DNAAF4: variants seen among roughly 807,000 people sequenced by gnomAD.
The protein encoded by DNAAF4 is dynein axonemal assembly factor 4, also known as dynein assembly factor 4, axonemal.
In DNAAF4, 43 loss-of-function variants were observed where a neutral mutation model predicts 51.8. The ratio of observed to expected loss-of-function variants is 0.83; its 90% CI spans 0.65 to 1.07. DNAAF4 has a LOEUF of 1.07. Among genes scored for constraint, DNAAF4 ranks in the 50% least tolerant of loss-of-function variants. The pLI is 0.00. For synonymous variants in DNAAF4, 194 were observed against 165.6 expected (o/e 1.17, Z -1.32); for missense variants, 581 against 493.0 (o/e 1.18, Z -1.69).
rs564401980 is a variant in DNAAF4, at chr15:55,493,064, G to C, written c.272-1808C>G. On this transcript the variant is annotated intron_variant, in intron 3 of 9. Coordinates refer to ENST00000321149, the MANE Select transcript of DNAAF4 (RefSeq NM_130810.4). ...TATTATTTGTAGGTGAGGCCTTTTG[G>C]GAGGTAGTGTCCTTATACAGAAGGC... 5.3e-5 allele frequency among the ~76,000 whole-genome samples: 8 copies of C among 152,184 alleles called. No homozygotes were observed. The South Asian group carries it at 1.7e-3, about 32-fold the overall frequency.
chr15:55,455,599 T>C (rs1025641960), intron 5 of DNAAF4, among the ~76,000 whole-genome samples: 9 of 151,814 alleles, frequency 5.9e-5, no homozygotes, highest in African/African-American at 2.2e-4. Context: ...ACCTGGCTAA[T>C]TTTTGCATTT....
chr15:55,477,181 A>T (rs896965069), intron 4 of DNAAF4, among the ~76,000 whole-genome samples: 9 of 152,230 alleles, frequency 5.9e-5, no homozygotes, highest in African/African-American at 2.2e-4. Context: ...CAAAAAAAAA[A>T]TAAAAAAAGA....
At position 55,492,280 on chromosome 15, in the gene DNAAF4, G is replaced by GA. The variant is rs11312285; in HGVS notation, c.272-1025dup. 6.8e-3 allele frequency among the ~76,000 whole-genome samples: 956 copies of GA among 141,094 alleles called. 5 individuals are homozygous for GA. Among genetic ancestry groups the GA allele is most frequent in the African/African-American group, 0.016 (625 of 39,588 alleles). 92.6% of individuals were successfully genotyped at this position (141,094 alleles called of 152,430 possible). Reference sequence around the variant, plus strand: ...AGGGAAAAGATCTAGCCTTTAAGCAGAAAAAAAAAAACAGAAGGGGAGAGG... The same window carrying GA: ...AGGGAAAAGATCTAGCCTTTAAGCAGAAAAAAAAAAAACAGAAGGGGAGAGG... On this transcript the variant is annotated intron_variant, in intron 3 of 9. Transcript: ENST00000321149.
intron 3 of DNAAF4, among the ~76,000 whole-genome samples, chr15:55,491,942 A>G (rs1262062749): frequency 6.6e-6 from 1 of 150,914 alleles, no homozygotes; most frequent in African/African-American, 2.4e-5. Context: ...ATGTAACCTT[A>G]ACCTCCTGGG....
chr15:55,465,827 A>G (rs1227049343), intron 5 of DNAAF4, among the ~76,000 whole-genome samples: 1 of 151,978 alleles, frequency 6.6e-6, no homozygotes, highest in African/African-American at 2.4e-5. Context: ...TGTCCTCCCA[A>G]AGTGTTAGGA....
chr15:55,492,263 G>C (rs1004859224), intron 3 of DNAAF4, among the ~76,000 whole-genome samples: 6 of 146,536 alleles, frequency 4.1e-5, no homozygotes, highest in African/African-American at 1.3e-4. Context: ...TAAGGGAAAA[G>C]ATCTAGCCTT....
intron 7 of DNAAF4, among the ~76,000 whole-genome samples, chr15:55,423,834 A>G (rs1360761170): frequency 1.3e-5 from 2 of 152,154 alleles, no homozygotes; most frequent in African/African-American, 2.4e-5. Flanking sequence ...CACACCTGTA[A>G]TCCCAGCATT....
intron 5 of DNAAF4, among the ~76,000 whole-genome samples, chr15:55,464,286 C>T (rs892137394): frequency 7.2e-5 from 11 of 152,178 alleles, no homozygotes; most frequent in Admixed American, 5.2e-4. Flanking sequence ...CATCTCTCCC[C>T]TAACACAAAA....
rs148213434 is a variant in DNAAF4 at position 55,442,985 on chromosome 15, C to G, written c.784-3404G>C. ...TTCTCAACGTCATTGTAGAACATCA[C>G]GTATTCAAAGCCCAGGCCATCATCA... On this transcript the variant is annotated intron_variant, in intron 6 of 9. Coordinates refer to ENST00000321149, the MANE Select transcript of DNAAF4 (RefSeq NM_130810.4). 21 of 1,611,062 alleles carry G rather than the reference C, an allele frequency of 1.3e-5. No individual in the cohort carries two copies. In the Admixed American group the frequency reaches 3.5e-4, roughly 27 times the overall value.
At chr15:55,473,287 ATATATATGTGTATATATATGTGTG>A (rs1368928779) in intron 4 of DNAAF4, among the ~76,000 whole-genome samples, 83 of 134,126 alleles carry the variant, frequency 6.2e-4, no homozygotes, top group Middle Eastern at 4.0e-3. Context: ...ATATATGTGT[ATATATATGTGTATATATATGTGTG>A]TATATATGTG....
chr15:55,450,443 A>T lies in DNAAF4; in HGVS notation c.638-76T>A, dbSNP rs2057914894. 3 of 1,459,246 alleles carry T rather than the reference A, an allele frequency of 2.1e-6. No homozygotes were observed. In the South Asian group the frequency reaches 3.9e-5, roughly 19 times the overall value. The allele number at this position is 1,459,246 out of a possible 1,614,324, so 90.4% of individuals were successfully genotyped here. On this transcript the variant is annotated intron_variant, in intron 5 of 9. Coordinates refer to ENST00000321149, the MANE Select transcript of DNAAF4 (RefSeq NM_130810.4). ...AACAATCAACTGATAAAGTAATTAC[A>T]CATCAAAGCTCACCCCCAAATCCTA...
chr15:55,483,834 T>A (rs28661414), intron 4 of DNAAF4, among the ~76,000 whole-genome samples: 3,422 of 27,964 alleles, frequency 0.12, 131 homozygotes, highest in African/African-American at 0.31. Flanking sequence ...CCAATAAAGC[T>A]TTTTTTTTTT....
At chr15:55,497,325 G>C (rs1595959265) in intron 3 of DNAAF4, among the ~76,000 whole-genome samples, 1 of 152,178 alleles carries the variant, frequency 6.6e-6, no homozygotes, top group Non-Finnish European at 1.5e-5. Flanking sequence ...GCCGGGTGTG[G>C]TGGCTCGCAC....
chr15:55,479,694 T>G (rs2058381807), intron 4 of DNAAF4, among the ~76,000 whole-genome samples: 1 of 152,098 alleles, frequency 6.6e-6, no homozygotes, highest in African/African-American at 2.4e-5. Flanking sequence ...AATATTAATA[T>G]TAATACCCTG....
At chr15:55,418,673 A>T in intron 7 of DNAAF4, 2 of 795,752 alleles carry the variant, frequency 2.5e-6, no homozygotes, top group Non-Finnish European at 3.7e-6. Context: ...GTTTTGAATC[A>T]ATTTTTAAAA....
At chr15:55,428,864 A>C (rs1217553226), downstream of DNAAF4, among the ~76,000 whole-genome samples, 1 of 152,114 alleles carries the variant, frequency 6.6e-6, no homozygotes, top group Non-Finnish European at 1.5e-5. Flanking sequence ...TGTCTCTTCT[A>C]AATCTTTATA....
downstream of DNAAF4, among the ~76,000 whole-genome samples, chr15:55,429,067 C>T (rs922836357): frequency 4.6e-5 from 7 of 151,126 alleles, no homozygotes; most frequent in Non-Finnish European, 1.0e-4. Context: ...ACTAAAAATA[C>T]AAAAATTAGC....
chr15:55,469,255 G>A (rs1047881433), intron 4 of DNAAF4, among the ~76,000 whole-genome samples: 2 of 151,552 alleles, frequency 1.3e-5, no homozygotes, highest in Non-Finnish European at 2.9e-5. Context: ...ATTTGAACCT[G>A]GGAGGTGGAG....
chr15:55,443,025 G>C lies in DNAAF4; in HGVS notation c.784-3444C>G, dbSNP rs2057739028. 2.5e-6 allele frequency: 4 copies of C among 1,611,320 alleles called. No homozygotes were observed. The Admixed American group carries it at 5.0e-5, about 20-fold the overall frequency. ...GGCCATCATCAAAGCTTCTGGTGAAGAGCTGGGCCTGTGACACTTGTTCTT... is the reference window on the plus strand; with the variant it reads ...GGCCATCATCAAAGCTTCTGGTGAACAGCTGGGCCTGTGACACTTGTTCTT... On this transcript the variant is annotated intron_variant, in intron 6 of 9. Coordinates refer to ENST00000321149, the MANE Select transcript of DNAAF4 (RefSeq NM_130810.4).
Sources: allele counts gnomAD v4.1 joint callset (sites outside exome capture counted in the v4.1 genomes callset), GRCh38; gene constraint gnomAD v4.1.1; transcripts MANE v1.5; gene names NCBI Gene and HGNC (gene_info 2026-07-23, HGNC 2026-07-21).